HTR7: variants seen among roughly 807,000 people sequenced by gnomAD.
HTR7 encodes the protein 5-hydroxytryptamine receptor 7.
A neutral mutation model predicts 34.0 loss-of-function variants in HTR7; 16 were observed. The observed-to-expected ratio is 0.47, with a 90% CI of 0.32 to 0.71. The LOEUF (loss-of-function observed/expected upper bound fraction) is 0.71. HTR7 is among the 30% of genes least tolerant of loss of function. The pLI is 0.04. For synonymous variants in HTR7, 265 were observed against 260.2 expected (o/e 1.02, Z -0.18); for missense variants, 504 against 625.5 (o/e 0.81, Z 2.07).
At position 90,857,725 on chromosome 10, in the gene HTR7, G is replaced by C; in HGVS notation, c.-54C>G. 7.1e-7 allele frequency: 1 copy of C among 1,412,494 alleles called. No individual in the cohort carries two copies. Among genetic ancestry groups the C allele is most frequent in the Non-Finnish European group, 9.1e-7 (1 of 1,094,340 alleles). 87.5% of individuals were successfully genotyped at this position (1,412,494 alleles called of 1,614,324 possible). A position where few individuals can be genotyped will look rare whatever the true frequency, so the allele number is the denominator to read the frequency against. ...GCCGGCGCCCCGGCCACGCGCCTCC[G>C]GCTGCCGGCCCCGGGGCTTCACCTC... On this transcript the variant is annotated 5_prime_UTR_variant, in exon 1 of 4. Transcript: ENST00000336152. This position sits in a 1 kb window ranked among gnomAD's most constrained non-coding sequence, Gnocchi z 6.5.
At chr10:90,840,548 G>T (rs761251403) in intron 1 of HTR7, among the ~76,000 whole-genome samples, 1 of 152,162 alleles carries the variant, frequency 6.6e-6, no homozygotes, top group African/African-American at 2.4e-5. Flanking sequence ...GTGTGACACA[G>T]GCATGGAGTT....
rs1845011082 is a variant in HTR7 at position 90,765,716 on chromosome 10, TTG to T, written c.540-16124_540-16123del. ...ATGGCATCCTGTTAGTTTTGGTATGTTGTGTTTCCATTTTTGTTTGTTTCAGA... is the reference window on the plus strand; with the variant it reads ...ATGGCATCCTGTTAGTTTTGGTATGTTGTTTCCATTTTTGTTTGTTTCAGA... On this transcript the variant is annotated intron_variant, in intron 1 of 3. Coordinates refer to ENST00000336152, the MANE Select transcript of HTR7 (RefSeq NM_019859.4). Among the ~76,000 whole-genome samples the T allele has an allele frequency of 6.6e-5, 10 of 152,188 alleles. 1 individual carries two copies. Among genetic ancestry groups the T allele is most frequent in the Admixed American group, 4.6e-4 (7 of 15,278 alleles).
At chr10:90,760,242 A>T (rs1252012182) in intron 1 of HTR7, among the ~76,000 whole-genome samples, 1 of 152,236 alleles carries the variant, frequency 6.6e-6, no homozygotes, top group African/African-American at 2.4e-5. Flanking sequence ...ATTAAGTGAA[A>T]TAAGCCAGGT....
At chr10:90,812,345 G>C (rs2119971480) in intron 1 of HTR7, among the ~76,000 whole-genome samples, 1 of 152,186 alleles carries the variant, frequency 6.6e-6, no homozygotes, top group East Asian at 1.9e-4. Flanking sequence ...GTTTCTCCAA[G>C]CCATCACAGC....
At chr10:90,777,816 G>A (rs922717893) in intron 1 of HTR7, among the ~76,000 whole-genome samples, 16 of 152,236 alleles carry the variant, frequency 1.1e-4, no homozygotes, top group African/African-American at 3.4e-4. Flanking sequence ...CTTAATTGCT[G>A]TGTCCTGTGA....
chr10:90,765,924 A>G (rs1287160586), intron 1 of HTR7, among the ~76,000 whole-genome samples: 2 of 152,124 alleles, frequency 1.3e-5, no homozygotes, highest in African/African-American at 2.4e-5. Flanking sequence ...TGTGAAGCAT[A>G]TTTTGTGGCC....
At chr10:90,835,914 T>C (rs1358279120) in intron 1 of HTR7, among the ~76,000 whole-genome samples, 4 of 151,882 alleles carry the variant, frequency 2.6e-5, no homozygotes, top group Non-Finnish European at 5.9e-5. Flanking sequence ...AGGAAACAAC[T>C]TGTACTGGGG....
intron 1 of HTR7, among the ~76,000 whole-genome samples, chr10:90,835,919 CT>C (rs1400007135): frequency 6.6e-6 from 1 of 152,020 alleles, no homozygotes. Context: ...ACAACTTGTA[CT>C]GGGGTATGGA....
chr10:90,768,760 T>G (rs1845062008), intron 1 of HTR7, among the ~76,000 whole-genome samples: 1 of 152,242 alleles, frequency 6.6e-6, no homozygotes, highest in African/African-American at 2.4e-5. Context: ...TTCACATCAT[T>G]CTTATTCTCA....
intron 1 of HTR7, among the ~76,000 whole-genome samples, chr10:90,807,264 G>T (rs191210395): frequency 7.2e-4 from 109 of 152,272 alleles, no homozygotes; most frequent in African/African-American, 2.4e-3. Context: ...AAATTATTGG[G>T]CTGGGCACGG....
chr10:90,848,956 A>C (rs554935150), intron 1 of HTR7, among the ~76,000 whole-genome samples: 1 of 152,322 alleles, frequency 6.6e-6, no homozygotes, highest in East Asian at 1.9e-4. Context: ...GTTAGGCCCA[A>C]CAATCTGTGT....
At chr10:90,824,419 C>T (rs2120023676) in intron 1 of HTR7, among the ~76,000 whole-genome samples, 2 of 152,354 alleles carry the variant, frequency 1.3e-5, no homozygotes, top group African/African-American at 4.8e-5. Flanking sequence ...CTGAGATGTA[C>T]TGGCTTCAGG....
chr10:90,754,115 C>G (rs2119692739), intron 1 of HTR7, among the ~76,000 whole-genome samples: 1 of 152,060 alleles, frequency 6.6e-6, no homozygotes, highest in African/African-American at 2.4e-5. Context: ...TTCTGAGATT[C>G]CTAATTTATA....
At chr10:90,815,650 G>T (rs1164680483) in intron 1 of HTR7, among the ~76,000 whole-genome samples, 2 of 152,084 alleles carry the variant, frequency 1.3e-5, no homozygotes, top group Non-Finnish European at 2.9e-5. Context: ...GGGATGATAT[G>T]TGCAACTGGC....
intron 1 of HTR7, among the ~76,000 whole-genome samples, chr10:90,849,842 T>C (rs1846471166): frequency 6.6e-6 from 1 of 152,156 alleles, no homozygotes; most frequent in Admixed American, 6.5e-5. Flanking sequence ...CACACACGCA[T>C]GCACGCTATG....
At chr10:90,778,355 G>A (rs112581624) in intron 1 of HTR7, among the ~76,000 whole-genome samples, 143 of 152,204 alleles carry the variant, frequency 9.4e-4, no homozygotes, top group African/African-American at 3.3e-3. Flanking sequence ...TATGGGAGTG[G>A]AAGTGGTAGC....
intron 1 of HTR7, among the ~76,000 whole-genome samples, chr10:90,791,321 T>C (rs1430633861): frequency 6.6e-6 from 1 of 151,994 alleles, no homozygotes; most frequent in Non-Finnish European, 1.5e-5. Context: ...TAATGTATAT[T>C]ATACACAATA....
intron 1 of HTR7, among the ~76,000 whole-genome samples, chr10:90,760,686 C>T (rs1037742177): frequency 6.6e-6 from 1 of 152,108 alleles, no homozygotes; most frequent in African/African-American, 2.4e-5. Context: ...TTGAGACCAA[C>T]CTGGCCAACA....
Position 90,741,579 on chromosome 10 carries a change from T to A in HTR7, c.*903A>T, listed in dbSNP as rs1267795151. On this transcript the variant is annotated 3_prime_UTR_variant, in exon 4 of 4. Transcript: ENST00000336152. Reference sequence around the variant, plus strand: ...ATGCCCCATCTCCAGAAGCATCACATTTCATGGAAAACCCATCATTCCCAC... The same window carrying A: ...ATGCCCCATCTCCAGAAGCATCACAATTCATGGAAAACCCATCATTCCCAC... The A allele has an allele frequency of 6.6e-6, 1 of 152,254 alleles. No individual in the cohort carries two copies. Among genetic ancestry groups the A allele is most frequent in the Admixed American group, 6.5e-5 (1 of 15,272 alleles). The allele number at this position is 152,254 out of a possible 1,614,324, so 9.4% of individuals were successfully genotyped here.
Sources: gnomAD v4.1 joint callset for allele counts (sites outside exome capture counted in the v4.1 genomes callset) on GRCh38, gnomAD v4.1.1 for gene constraint, Gnocchi (gnomAD v3.1) non-coding constraint, MANE v1.5 for transcripts, NCBI Gene and HGNC (gene_info 2026-07-23, HGNC 2026-07-21) for gene names.